The following DYM variants were observed in gnomAD, a reference collection of about 807,000 sequenced individuals.
The protein encoded by DYM is dyggve-Melchior-Clausen syndrome protein.
DYM carries 78 observed loss-of-function variants against 93.1 expected under a neutral mutation model. The observed-to-expected ratio is 0.84, with a 90% CI of 0.70 to 1.01. DYM has a LOEUF of 1.01. DYM is among the 50% of genes least tolerant of loss of function. The pLI, the probability that DYM is intolerant of heterozygous loss-of-function variation, is 0.00. For synonymous variants in DYM, 321 were observed against 319.7 expected, an observed-to-expected ratio of 1.00 and a Z score of -0.04; for missense variants, 789 against 845.0, an observed-to-expected ratio of 0.93 and a Z score of 0.82.
At chr18:49,066,346 AT>A (rs1227394944) in intron 17 of DYM, among the ~76,000 whole-genome samples, 1 of 152,048 alleles carries the variant, frequency 6.6e-6, no homozygotes, top group Non-Finnish European at 1.5e-5. Flanking sequence ...CTATCTGTGA[AT>A]TTTATGTTAA....
At chr18:49,167,033 TGC>T (rs1276610080) in intron 14 of DYM, among the ~76,000 whole-genome samples, 43 of 138,808 alleles carry the variant, frequency 3.1e-4, no homozygotes, top group East Asian at 1.6e-3. Context: ...TGTGTGTGTG[TGC>T]GCGCCTGTGT....
chr18:49,153,890 C>G (rs1250874367), intron 15 of DYM, among the ~76,000 whole-genome samples: 1 of 152,028 alleles, frequency 6.6e-6, no homozygotes, highest in African/African-American at 2.4e-5. Flanking sequence ...AAGTATCTCC[C>G]CAAAATATAT....
At chr18:49,262,750 C>T (rs1353419111) in intron 11 of DYM, among the ~76,000 whole-genome samples, 2 of 152,164 alleles carry the variant, frequency 1.3e-5, no homozygotes, top group Admixed American at 1.3e-4. Context: ...TGGTGCCATA[C>T]ATACTACTTA....
chr18:49,212,133 T>G lies in DYM; in HGVS notation c.1461-2418A>C, dbSNP rs2092812509. Among the ~76,000 whole-genome samples the G allele has an allele frequency of 2.0e-5, 3 of 151,946 alleles. No homozygotes were observed. In the South Asian group the frequency reaches 6.3e-4, roughly 32 times the overall value. ...AAATAAACAAAAAACTGTTCTGTAT[T>G]CTCCAAATTTTAAAGGCCATAAAAG... On this transcript the variant is annotated intron_variant, in intron 13 of 17. Coordinates refer to ENST00000675505, the MANE Select transcript of DYM (RefSeq NM_001353214.3).
At chr18:49,446,368 C>G (rs1166597764) in intron 1 of DYM, among the ~76,000 whole-genome samples, 2 of 152,012 alleles carry the variant, frequency 1.3e-5, no homozygotes, top group Non-Finnish European at 2.9e-5. Flanking sequence ...TATAACCTGC[C>G]TTTATTATTA....
At chr18:49,270,973 G>A (rs921522721) in intron 11 of DYM, among the ~76,000 whole-genome samples, 1 of 152,026 alleles carries the variant, frequency 6.6e-6, no homozygotes, top group Non-Finnish European at 1.5e-5. Context: ...CCAAAAAATG[G>A]CCTGCAGGGA....
intron 8 of DYM, among the ~76,000 whole-genome samples, chr18:49,300,466 GGCGCATGCCTGTA>G (rs1198533568): frequency 6.6e-6 from 1 of 151,960 alleles, no homozygotes; most frequent in Non-Finnish European, 1.5e-5. Context: ...CAGGCATGGT[GGCGCATGCCTGTA>G]GTCCCAGCTA....
At chr18:49,308,829 C>A (rs1243882833) in intron 8 of DYM, among the ~76,000 whole-genome samples, 1 of 152,022 alleles carries the variant, frequency 6.6e-6, no homozygotes, top group Non-Finnish European at 1.5e-5. Flanking sequence ...GTAAGGCTTC[C>A]TGAGGTTCTA....
At chr18:49,080,339 A>AC (rs1368153923) in intron 17 of DYM, among the ~76,000 whole-genome samples, 33 of 81,716 alleles carry the variant, frequency 4.0e-4, no homozygotes, top group Non-Finnish European at 5.6e-4. Flanking sequence ...CGGGGGGCTG[A>AC]CCCCCCCCAA....
At position 49,210,357 on chromosome 18, in the gene DYM, C is replaced by T. The variant is rs560567134; in HGVS notation, c.1461-642G>A. Among the ~76,000 whole-genome samples the T allele has an allele frequency of 2.4e-4, 37 of 152,082 alleles. No homozygotes were observed. In the South Asian group the frequency reaches 3.3e-3, roughly 14 times the overall value. On this transcript the variant is annotated intron_variant, in intron 13 of 17. Transcript: ENST00000675505. ...ATAAATAAACGGTGGTACATCTAGA[C>T]GATGGATTATTATTTAGGGCTAAAA...
intron 5 of DYM, among the ~76,000 whole-genome samples, chr18:49,377,650 A>G (rs1442790561): frequency 6.6e-6 from 1 of 152,232 alleles, no homozygotes; most frequent in Non-Finnish European, 1.5e-5. Context: ...AAAAATCAGT[A>G]CATTGTGATG....
rs534616615 is a variant in DYM at position 49,200,396 on chromosome 18, T to C, written c.1625+9155A>G. Reference sequence around the variant, plus strand: ...TAGTTGTTTTAATAGCAGTATATAATTTTATATTTTTTTCATTAAACATTA... The same window carrying C: ...TAGTTGTTTTAATAGCAGTATATAACTTTATATTTTTTTCATTAAACATTA... On this transcript the variant is annotated intron_variant, in intron 14 of 17. Coordinates refer to ENST00000675505, the MANE Select transcript of DYM (RefSeq NM_001353214.3). Among the ~76,000 whole-genome samples, 140 of 152,074 alleles carry C rather than the reference T, an allele frequency of 9.2e-4. 1 individual carries two copies. Among genetic ancestry groups the C allele is most frequent in the African/African-American group, 3.1e-3 (130 of 41,556 alleles).
intron 1 of DYM, among the ~76,000 whole-genome samples, chr18:49,457,829 A>C (rs1404620583): frequency 6.6e-6 from 1 of 152,246 alleles, no homozygotes; most frequent in Non-Finnish European, 1.5e-5. Flanking sequence ...CCTTAAAAGC[A>C]GAGAACCTTT....
chr18:49,202,924 T>A (rs199794491), intron 14 of DYM, among the ~76,000 whole-genome samples: 4 of 134,746 alleles, frequency 3.0e-5, no homozygotes, highest in African/African-American at 1.1e-4. Context: ...GCCCCCCGCC[T>A]GGCCAGCCGC....
chr18:49,341,935 G>C lies in DYM; in HGVS notation c.495-8082C>G, dbSNP rs571332345. Among the ~76,000 whole-genome samples, 113 of 152,282 alleles carry C rather than the reference G, an allele frequency of 7.4e-4. 2 individuals are homozygous for C. Among genetic ancestry groups the C allele is most frequent in the African/African-American group, 2.7e-3 (112 of 41,556 alleles). ...ATCAGCACTGTATTAGTTTTACATT[G>C]CTGCCATTAACAAATCATCACAAAT... is the stretch of plus-strand genomic sequence containing the variant. On this transcript the variant is annotated intron_variant, in intron 6 of 17. Coordinates refer to ENST00000675505, the MANE Select transcript of DYM (RefSeq NM_001353214.3).
chr18:49,259,191 G>C (rs1340919403), intron 11 of DYM, among the ~76,000 whole-genome samples: 1 of 152,142 alleles, frequency 6.6e-6, no homozygotes, highest in Non-Finnish European at 1.5e-5. Context: ...GAGTACAGCA[G>C]ACTCCCCACC....
At chr18:49,414,413 T>C (rs995686532) in intron 2 of DYM, among the ~76,000 whole-genome samples, 3 of 152,208 alleles carry the variant, frequency 2.0e-5, no homozygotes, top group Non-Finnish European at 2.9e-5. Context: ...GAATAAAATC[T>C]TTCCATATTA....
chr18:49,113,269 A>G (rs765887113), intron 16 of DYM, among the ~76,000 whole-genome samples: 21 of 152,310 alleles, frequency 1.4e-4, no homozygotes, highest in Non-Finnish European at 2.6e-4. Context: ...GTTATAGTTC[A>G]TTGCATCTGT....
chr18:49,224,613 G>A (rs1444620062), intron 13 of DYM, among the ~76,000 whole-genome samples: 7 of 151,978 alleles, frequency 4.6e-5, no homozygotes, highest in African/African-American at 9.7e-5. Context: ...ACAAGAGTCC[G>A]AGAGAGCTTG....
Sources: allele counts gnomAD v4.1 joint callset (sites outside exome capture counted in the v4.1 genomes callset), GRCh38; gene constraint gnomAD v4.1.1; transcripts MANE v1.5; gene names NCBI Gene and HGNC (gene_info 2026-07-23, HGNC 2026-07-21).